AKAP19: variants seen among roughly 807,000 people sequenced by gnomAD.
AKAP19 encodes the protein A-kinase anchoring protein 19, also known as small A-kinase anchoring protein.
chr2:189,949,553 A>G, the AKAP19 span, among the ~76,000 whole-genome samples: 3 of 145,318 alleles, frequency 2.1e-5, no homozygotes, highest in Admixed American at 2.1e-4. Flanking sequence ...GTGGATCTAC[A>G]CAGTTCAAAT....
chr2:190,133,111 G>C, the AKAP19 span, among the ~76,000 whole-genome samples: 1 of 151,606 alleles, frequency 6.6e-6, no homozygotes, highest in South Asian at 2.1e-4. Context: ...GGTGGCGGGC[G>C]CCTGTAGTGC....
the AKAP19 span, among the ~76,000 whole-genome samples, chr2:189,898,263 A>G: frequency 1.9e-4 from 29 of 152,172 alleles, no homozygotes; most frequent in African/African-American, 7.0e-4. Flanking sequence ...GGGTAGTAAT[A>G]TAATAGCTAA....
At chr2:190,105,483 C>T in the AKAP19 span, among the ~76,000 whole-genome samples, 2 of 152,106 alleles carry the variant, frequency 1.3e-5, no homozygotes, top group Non-Finnish European at 2.9e-5. Context: ...AAACTGTCCC[C>T]AGACATCTTT....
At chr2:189,935,688 A>C in the AKAP19 span, among the ~76,000 whole-genome samples, 1 of 152,098 alleles carries the variant, frequency 6.6e-6, no homozygotes, top group Non-Finnish European at 1.5e-5. Flanking sequence ...TCTGATTTTG[A>C]AAATGTCTTT....
chr2:190,000,950 G>A, the AKAP19 span, among the ~76,000 whole-genome samples: 1 of 152,052 alleles, frequency 6.6e-6, no homozygotes, highest in Non-Finnish European at 1.5e-5. Flanking sequence ...CCCATTACAT[G>A]TATATTAGTA....
At chr2:189,964,489 C>T in the AKAP19 span, among the ~76,000 whole-genome samples, 26 of 152,190 alleles carry the variant, frequency 1.7e-4, no homozygotes, top group African/African-American at 5.3e-4. Context: ...GCACTGACTT[C>T]GCTTCTATAG....
At chr2:189,957,939 G>T in the AKAP19 span, among the ~76,000 whole-genome samples, 13 of 151,932 alleles carry the variant, frequency 8.6e-5, no homozygotes, top group Admixed American at 3.9e-4. Flanking sequence ...GACTACAGAC[G>T]TGCACCACCA....
chr2:189,976,641 G>A, the AKAP19 span, among the ~76,000 whole-genome samples: 26 of 152,194 alleles, frequency 1.7e-4, 1 homozygote, highest in Admixed American at 9.8e-4. Context: ...CGAGCTTCCT[G>A]GCTGCTTTGT....
At chr2:190,100,003 T>C in the AKAP19 span, among the ~76,000 whole-genome samples, 1 of 152,196 alleles carries the variant, frequency 6.6e-6, no homozygotes, top group Non-Finnish European at 1.5e-5. Context: ...CATAGAATTG[T>C]TGCAATCAGA....
At chr2:189,956,187 T>TTTTTTTTTA in the AKAP19 span, among the ~76,000 whole-genome samples, 9 of 144,582 alleles carry the variant, frequency 6.2e-5, no homozygotes, top group African/African-American at 1.5e-4. Context: ...CTTTTTTTTT[T>TTTTTTTTTA]GAGACGGAGT....
the AKAP19 span, among the ~76,000 whole-genome samples, chr2:190,084,307 G>A: frequency 2.0e-5 from 3 of 152,004 alleles, no homozygotes; most frequent in African/African-American, 7.2e-5. Flanking sequence ...TGGCCAGGCT[G>A]GTTTCGAATT....
At chr2:189,971,034 G>A in the AKAP19 span, among the ~76,000 whole-genome samples, 68 of 152,078 alleles carry the variant, frequency 4.5e-4, no homozygotes, top group Admixed American at 1.9e-3. Context: ...TGCACAATGT[G>A]CAGGTTTGTT....
At chr2:189,921,898 C>T in the AKAP19 span, among the ~76,000 whole-genome samples, 1 of 152,086 alleles carries the variant, frequency 6.6e-6, no homozygotes, top group Non-Finnish European at 1.5e-5. Context: ...CTGGGTTAGG[C>T]TCTGGGGAAA....
At chr2:190,069,175 TGAGAGAGA>T in the AKAP19 span, among the ~76,000 whole-genome samples, 1 of 123,506 alleles carries the variant, frequency 8.1e-6, no homozygotes, top group South Asian at 3.0e-4. Context: ...TGTGTGTGTG[TGAGAGAGA>T]GAGAGAGAGA....
At chr2:190,107,420 A>ATT in the AKAP19 span, among the ~76,000 whole-genome samples, 1 of 150,618 alleles carries the variant, frequency 6.6e-6, no homozygotes, top group Admixed American at 6.6e-5. Flanking sequence ...TGATTCCAGT[A>ATT]TTTTTTTTTT....
At chr2:189,998,560 G>A in the AKAP19 span, among the ~76,000 whole-genome samples, 6 of 152,056 alleles carry the variant, frequency 3.9e-5, no homozygotes, top group Admixed American at 6.6e-5. Context: ...AGCTGTTTAT[G>A]AGATTCCTTT....
the AKAP19 span, among the ~76,000 whole-genome samples, chr2:190,091,197 A>G: frequency 6.6e-6 from 1 of 152,364 alleles, no homozygotes; most frequent in African/African-American, 2.4e-5. Flanking sequence ...CTTTAAAAAG[A>G]AACTTTCTAA....
chr2:189,892,033 A>G, the AKAP19 span, among the ~76,000 whole-genome samples: 15 of 151,604 alleles, frequency 9.9e-5, no homozygotes, highest in African/African-American at 3.6e-4. Context: ...TCAGCTATTG[A>G]TACTTGTGTA....
At chr2:190,049,667 G>A in the AKAP19 span, among the ~76,000 whole-genome samples, 1 of 152,188 alleles carries the variant, frequency 6.6e-6, no homozygotes, top group Non-Finnish European at 1.5e-5. Flanking sequence ...AAGCATTTAA[G>A]CCTTCACTGA....
Sources: gnomAD v4.1 joint callset for allele counts (sites outside exome capture counted in the v4.1 genomes callset) on GRCh38, gnomAD v4.1.1 for gene constraint, MANE v1.5 for transcripts, NCBI Gene and HGNC (gene_info 2026-07-23, HGNC 2026-07-21) for gene names.